Variants in RIPOR2 observed in about 807,000 individuals in gnomAD.
The protein encoded by RIPOR2 is rho family-interacting cell polarization regulator 2.
A neutral mutation model predicts 114.5 loss-of-function variants in RIPOR2; 39 were observed. That is an observed-to-expected ratio of 0.34 (90% CI 0.26 to 0.44). The LOEUF is 0.44. Among genes scored for constraint, RIPOR2 ranks in the 20% least tolerant of loss-of-function variants. RIPOR2 has a pLI of 1.00. For missense variants in RIPOR2, 1,007 were observed against 1,255.1 expected (o/e 0.80, Z 2.99); for synonymous variants, 445 against 484.4 (o/e 0.92, Z 1.07).
intron 7 of RIPOR2, among the ~76,000 whole-genome samples, chr6:24,863,013 C>T (rs1052065036): frequency 2.2e-4 from 34 of 152,116 alleles, no homozygotes; most frequent in Non-Finnish European, 7.4e-5. Flanking sequence ...AGTGTAGTGG[C>T]GCCGTCTCAG....
At chr6:24,869,679 C>T (rs886460999) in intron 5 of RIPOR2, among the ~76,000 whole-genome samples, 2 of 152,010 alleles carry the variant, frequency 1.3e-5, no homozygotes, top group East Asian at 1.9e-4. Flanking sequence ...AATTAGTTAT[C>T]GGAATCCTTG....
intron 1 of RIPOR2, among the ~76,000 whole-genome samples, chr6:24,967,555 T>A (rs914826813): frequency 6.6e-6 from 1 of 152,174 alleles, no homozygotes; most frequent in Non-Finnish European, 1.5e-5. Context: ...CCTTCTGACA[T>A]GCCCTGGGTG....
intron 1 of RIPOR2, among the ~76,000 whole-genome samples, chr6:24,912,205 C>A (rs1403595951): frequency 1.3e-5 from 2 of 152,220 alleles, no homozygotes; most frequent in Non-Finnish European, 2.9e-5. Flanking sequence ...GGGCAGGGAC[C>A]ATCTCTGTCT....
intron 1 of RIPOR2, among the ~76,000 whole-genome samples, chr6:24,983,682 G>A (rs1039281490): frequency 8.7e-5 from 13 of 150,240 alleles, no homozygotes; most frequent in South Asian, 2.1e-4. Context: ...GCTTGAACCC[G>A]GGAGGCAGAG....
chr6:24,976,778 T>A, intron 1 of RIPOR2: 1 of 1,611,812 alleles, frequency 6.2e-7, no homozygotes, highest in Non-Finnish European at 8.5e-7. Context: ...TGAAATCTTG[T>A]CCATGGCAAA....
At chr6:25,024,726 T>G (rs1281812509) in intron 1 of RIPOR2, among the ~76,000 whole-genome samples, 1 of 152,192 alleles carries the variant, frequency 6.6e-6, no homozygotes, top group Non-Finnish European at 1.5e-5. Flanking sequence ...GCAGTGCTGT[T>G]TCTCCTAACT....
At chr6:24,809,670 G>C in intron 21 of RIPOR2, 47 bp downstream of exon 21, 10 of 1,235,146 alleles carry the variant, frequency 8.1e-6, no homozygotes, top group Non-Finnish European at 1.2e-5. Flanking sequence ...ATCCGTTAGA[G>C]AGTGCCAGAA....
rs181889785 is a variant in RIPOR2, at chr6:24,902,943, T to A, written c.62-27126A>T. 1.2e-4 allele frequency among the ~76,000 whole-genome samples: 18 copies of A among 152,326 alleles called. No individual in the cohort carries two copies. In the East Asian group the frequency reaches 3.1e-3, roughly 26 times the overall value. On this transcript the variant is annotated intron_variant, in intron 1 of 21. Transcript: ENST00000643898. Reference sequence around the variant, plus strand: ...TGACCTTTTTCTGTGTCTGACCGTATAAACCAATCTAGTTATTTATTGCTG... The same window carrying A: ...TGACCTTTTTCTGTGTCTGACCGTAAAAACCAATCTAGTTATTTATTGCTG...
chr6:25,000,306 C>T (rs372456481), intron 1 of RIPOR2, among the ~76,000 whole-genome samples: 8 of 152,260 alleles, frequency 5.3e-5, no homozygotes, highest in South Asian at 2.1e-4. Context: ...GCTGACCACT[C>T]GCGAAAACTC....
At chr6:25,002,869 T>A (rs1203367855) in intron 1 of RIPOR2, among the ~76,000 whole-genome samples, 1 of 152,238 alleles carries the variant, frequency 6.6e-6, no homozygotes, top group African/African-American at 2.4e-5. Context: ...AACAGCCATC[T>A]TGAAATGGAA....
chr6:24,826,494 A>ATTTT (rs10624769), intron 18 of RIPOR2, among the ~76,000 whole-genome samples: 1 of 148,186 alleles, frequency 6.7e-6, no homozygotes. Flanking sequence ...ATTTATTTAG[A>ATTTT]TTTTTTTTTT....
chr6:24,919,038 GCA>G (rs1770294092), intron 1 of RIPOR2, among the ~76,000 whole-genome samples: 1 of 152,170 alleles, frequency 6.6e-6, no homozygotes, highest in Non-Finnish European at 1.5e-5. Flanking sequence ...CATGGGCCCA[GCA>G]CAGTTTCACT....
At chr6:24,940,716 G>A (rs555580630), upstream of RIPOR2, among the ~76,000 whole-genome samples, 6 of 152,116 alleles carry the variant, frequency 3.9e-5, no homozygotes, top group South Asian at 8.3e-4. Context: ...CTCGACCTTG[G>A]CTCACTGCAA....
chr6:24,821,247 A>G (rs1461326048), intron 19 of RIPOR2, among the ~76,000 whole-genome samples: 2 of 148,404 alleles, frequency 1.3e-5, no homozygotes, highest in Non-Finnish European at 3.0e-5. Context: ...CAATGGTGCA[A>G]TCTCGGCTCA....
At chr6:25,017,764 T>C (rs1225709757) in intron 1 of RIPOR2, among the ~76,000 whole-genome samples, 2 of 152,160 alleles carry the variant, frequency 1.3e-5, no homozygotes, top group Non-Finnish European at 2.9e-5. Context: ...CTCACAACAG[T>C]TTTTTGACAG....
rs1760061847 is a variant in RIPOR2, at chr6:24,825,281, T to G, written c.2813A>C (p.Glu938Ala). The change falls in exon 19 of 22, where the codon GAG becomes GCG. Residue 938 changes from glutamate (E) to alanine (A), a missense_variant. Glu to Ala is a moderately radical substitution (Grantham distance 107). Coordinates refer to ENST00000643898, the MANE Select transcript of RIPOR2 (RefSeq NM_001286445.3). ...TGCTGCCAAGTAAAGCGTCACAGCC[T>G]CACTAACTTCGTTGTCCTCTCTGGT... ...LLTREDNEVS[E>A]AVTLYLAAAS... 1 of 1,551,564 alleles carries G rather than the reference T, an allele frequency of 6.4e-7. No homozygotes were observed. The highest frequency in any genetic ancestry group is 2.0e-5 in the Admixed American group (1 of 50,974).
At position 24,865,424 on chromosome 6, in the gene RIPOR2, A is replaced by G. The variant is rs1429576179; in HGVS notation, c.528T>C (p.Cys176=). The change falls in exon 7 of 22, where the codon TGT becomes TGC. Residue 176 remains cysteine (C), a synonymous_variant. Transcript: ENST00000643898. ...SKVDELYEAY[C]IQRRLQDGAS... ...CACCATCCTGGAGGCGTCGCTGGAT[A>G]CAATAAGCTTCATAGAGTTCATCTA... 1 of 1,613,366 alleles carries G rather than the reference A, an allele frequency of 6.2e-7. No individual in the cohort carries two copies. Among genetic ancestry groups the G allele is most frequent in the Non-Finnish European group, 8.5e-7 (1 of 1,179,578 alleles).
chr6:25,027,861 G>A (rs1345042653), intron 1 of RIPOR2, among the ~76,000 whole-genome samples: 1 of 152,188 alleles, frequency 6.6e-6, no homozygotes, highest in Non-Finnish European at 1.5e-5. Context: ...CCGGAGACAC[G>A]CCCAGGAGCC....
intron 1 of RIPOR2, among the ~76,000 whole-genome samples, chr6:24,887,481 G>A (rs906753938): frequency 3.3e-5 from 5 of 152,176 alleles, no homozygotes; most frequent in Admixed American, 6.5e-5. Flanking sequence ...TGGAAAAATG[G>A]TCTTTCCTAC....
Sources: gnomAD v4.1 joint callset for allele counts (sites outside exome capture counted in the v4.1 genomes callset) on GRCh38, gnomAD v4.1.1 for gene constraint, MANE v1.5 for transcripts, NCBI Gene and HGNC (gene_info 2026-07-23, HGNC 2026-07-21) for gene names.